The following SLC24A2 variants were observed in gnomAD, a reference collection of about 807,000 sequenced individuals.
SLC24A2 encodes solute carrier family 24 member 2, also known as sodium/potassium/calcium exchanger 2.
In SLC24A2, 36 loss-of-function variants were observed where a neutral mutation model predicts 62.0. That is an observed-to-expected ratio of 0.58 (90% CI 0.44 to 0.77). The LOEUF (loss-of-function observed/expected upper bound fraction) is 0.77. SLC24A2 is among the 30% of genes least tolerant of loss of function. SLC24A2 has a pLI of 0.00. For missense variants in SLC24A2, 846 were observed against 817.9 expected (o/e 1.03, Z -0.42); for synonymous variants, 358 against 294.0 (o/e 1.22, Z -2.23).
chr9:20,100,154 G>A, the SLC24A2 span, among the ~76,000 whole-genome samples: 1 of 152,068 alleles, frequency 6.6e-6, no homozygotes, highest in Non-Finnish European at 1.5e-5. Flanking sequence ...TGGGATGGCA[G>A]GCGCATGCCA....
chr9:19,778,069 C>A (rs1219492644), intron 2 of SLC24A2, among the ~76,000 whole-genome samples: 1 of 152,078 alleles, frequency 6.6e-6, no homozygotes, highest in Non-Finnish European at 1.5e-5. Flanking sequence ...TGAGAGAATG[C>A]CATTAAAATT....
rs80175192 is a variant in SLC24A2, at chr9:19,701,061, T to C, written c.931-78762A>G. Among the ~76,000 whole-genome samples the C allele has an allele frequency of 8.2e-3, 1,244 of 152,320 alleles. 18 individuals carry two copies. The highest frequency in any genetic ancestry group is 0.028 in the African/African-American group (1,184 of 41,570). Reference sequence around the variant, plus strand: ...CAGAGGATTGAGTCCTAATTTACTATTTGAAATCTGGTCTACCTTGTATAA... The same window carrying C: ...CAGAGGATTGAGTCCTAATTTACTACTTGAAATCTGGTCTACCTTGTATAA... On this transcript the variant is annotated intron_variant, in intron 2 of 10. Coordinates refer to ENST00000341998, the MANE Select transcript of SLC24A2 (RefSeq NM_020344.4).
the SLC24A2 span, among the ~76,000 whole-genome samples, chr9:20,261,929 A>G: frequency 6.6e-6 from 1 of 151,790 alleles, no homozygotes; most frequent in Non-Finnish European, 1.5e-5. Context: ...TAGTAGAGAC[A>G]GCATTTCACC....
chr9:19,535,459 T>A (rs772953820), intron 8 of SLC24A2, among the ~76,000 whole-genome samples: 3 of 152,190 alleles, frequency 2.0e-5, no homozygotes, highest in Non-Finnish European at 4.4e-5. Flanking sequence ...TTGCCTAGGT[T>A]TTCTTCTAGG....
chr9:19,887,354 T>C, the SLC24A2 span, among the ~76,000 whole-genome samples: 5 of 152,156 alleles, frequency 3.3e-5, no homozygotes, highest in Non-Finnish European at 7.3e-5. Context: ...ATTCTGTAGG[T>C]GTTCTGTTCA....
chr9:19,975,521 T>C, the SLC24A2 span, among the ~76,000 whole-genome samples: 574 of 152,326 alleles, frequency 3.8e-3, 4 homozygotes, highest in African/African-American at 0.011. Context: ...TGGAACTTCT[T>C]TGCACTTCTA....
intron 6 of SLC24A2, among the ~76,000 whole-genome samples, chr9:19,575,901 AT>A (rs1365118918): frequency 6.6e-6 from 1 of 152,232 alleles, no homozygotes; most frequent in Non-Finnish European, 1.5e-5. Flanking sequence ...GTGGCTTTAC[AT>A]TTTTATAGTA....
At chr9:19,546,558 G>A (rs1834583802) in intron 8 of SLC24A2, among the ~76,000 whole-genome samples, 1 of 152,112 alleles carries the variant, frequency 6.6e-6, no homozygotes, top group Non-Finnish European at 1.5e-5. Context: ...GAGCATCCCA[G>A]GTTGACCTCA....
chr9:19,736,269 A>G (rs890972036), intron 2 of SLC24A2, among the ~76,000 whole-genome samples: 1 of 152,194 alleles, frequency 6.6e-6, no homozygotes, highest in African/African-American at 2.4e-5. Context: ...GAAAAATAAT[A>G]TAGTCTCAGT....
At chr9:19,883,797 C>A in the SLC24A2 span, among the ~76,000 whole-genome samples, 1 of 152,104 alleles carries the variant, frequency 6.6e-6, no homozygotes, top group Admixed American at 6.5e-5. Flanking sequence ...GATCTCCTGA[C>A]CTCGTGATCC....
At chr9:20,027,622 G>C in the SLC24A2 span, among the ~76,000 whole-genome samples, 4 of 152,166 alleles carry the variant, frequency 2.6e-5, no homozygotes, top group African/African-American at 9.7e-5. Flanking sequence ...GTAGAGAGCA[G>C]AATGGTGGTT....
intron 2 of SLC24A2, among the ~76,000 whole-genome samples, chr9:19,722,079 G>A (rs1194190535): frequency 3.3e-5 from 5 of 152,120 alleles, no homozygotes; most frequent in African/African-American, 1.2e-4. Flanking sequence ...CCTGTCAGAT[G>A]CTATTATAGT....
the SLC24A2 span, among the ~76,000 whole-genome samples, chr9:20,249,704 C>CAA: frequency 0.29 from 22,383 of 76,162 alleles, 3,500 homozygotes; most frequent in East Asian, 0.62. Context: ...AACTCTGTCT[C>CAA]AAAAAAAAAA....
the SLC24A2 span, among the ~76,000 whole-genome samples, chr9:20,171,396 A>G: frequency 6.6e-6 from 1 of 152,088 alleles, no homozygotes; most frequent in Non-Finnish European, 1.5e-5. Context: ...AATGGCCTAA[A>G]TGCTCCACTT....
At chr9:19,795,645 A>G in the SLC24A2 span, among the ~76,000 whole-genome samples, 1 of 151,654 alleles carries the variant, frequency 6.6e-6, no homozygotes, top group African/African-American at 2.4e-5. Flanking sequence ...GATTTTTCTG[A>G]TTTTGATGTT....
At chr9:19,647,518 T>C (rs1818677867) in intron 2 of SLC24A2, among the ~76,000 whole-genome samples, 1 of 152,044 alleles carries the variant, frequency 6.6e-6, no homozygotes, top group Non-Finnish European at 1.5e-5. Flanking sequence ...GCAGCAAGCA[T>C]TGCCCAGAAC....
the SLC24A2 span, among the ~76,000 whole-genome samples, chr9:20,076,085 C>A: frequency 6.6e-6 from 1 of 152,046 alleles, no homozygotes; most frequent in Admixed American, 6.6e-5. Flanking sequence ...CGTACAGATG[C>A]AATCATTCTT....
chr9:19,792,906 C>G (rs1387987772), upstream of SLC24A2, among the ~76,000 whole-genome samples: 1 of 152,154 alleles, frequency 6.6e-6, no homozygotes, highest in African/African-American at 2.4e-5. Context: ...ATGAAGTATT[C>G]AATGTGCACA....
the SLC24A2 span, among the ~76,000 whole-genome samples, chr9:20,231,232 C>T: frequency 6.6e-6 from 1 of 152,092 alleles, no homozygotes; most frequent in African/African-American, 2.4e-5. Context: ...TTTTTGGTCC[C>T]ATATGAACTT....
Sources: gnomAD v4.1 joint callset for allele counts (sites outside exome capture counted in the v4.1 genomes callset) on GRCh38, gnomAD v4.1.1 for gene constraint, MANE v1.5 for transcripts, NCBI Gene and HGNC (gene_info 2026-07-23, HGNC 2026-07-21) for gene names.